The following ABCB10 variants were observed in gnomAD, a reference collection of about 807,000 sequenced individuals.
The protein encoded by ABCB10 is ATP binding cassette subfamily B member 10, also known as ATP-binding cassette sub-family B member 10, mitochondrial.
In ABCB10, 54 loss-of-function variants were observed where a neutral mutation model predicts 65.4. That is an observed-to-expected ratio of 0.83 (90% confidence interval 0.66 to 1.04). The LOEUF is 1.04. Among genes scored for constraint, ABCB10 ranks in the 50% least tolerant of loss-of-function variants. The pLI, the probability that ABCB10 is intolerant of heterozygous loss-of-function variation, is 0.00. For synonymous variants in ABCB10, 418 were observed against 406.5 expected, an observed-to-expected ratio of 1.03 and a Z score of -0.34; for missense variants, 846 against 976.6, an observed-to-expected ratio of 0.87 and a Z score of 1.78.
chr1:229,540,638 C>T lies in ABCB10; in HGVS notation c.1171G>A (p.Glu391Lys). The T allele has an allele frequency of 6.2e-7, 1 of 1,612,152 alleles. No homozygotes were observed. The highest frequency in any genetic ancestry group is 8.5e-7 in the Non-Finnish European group (1 of 1,179,966). The change falls in exon 5 of 13, where the codon GAG becomes AAG. Residue 391 changes from glutamate to lysine, a missense_variant. By Grantham distance (56) the Glu-to-Lys change is moderately conservative. Around this residue, in one of 2 missense-constraint regions of ABCB10, gnomAD observed 632 missense variants for 803.2 expected, o/e 0.79. Transcript: ENST00000344517. Reference sequence around the variant, plus strand: ...AAGAAACCAGCCCGGGCGAATGCCTCTTTCCTTGCTAACTGCATTACATGG... The same window carrying T: ...AAGAAACCAGCCCGGGCGAATGCCTTTTTCCTTGCTAACTGCATTACATGG... ...VDHVMQLARK[E>K]AFARAGFFGA... is the part of the protein sequence containing the mutation.
At chr1:229,545,408 G>A (rs1004556662) in intron 3 of ABCB10, among the ~76,000 whole-genome samples, 1 of 152,198 alleles carries the variant, frequency 6.6e-6, no homozygotes, top group Non-Finnish European at 1.5e-5. Context: ...CCACTTGTGA[G>A]AAAGGATTAT....
At chr1:229,553,221 CCG>C (rs1483260340) in intron 1 of ABCB10, among the ~76,000 whole-genome samples, 1 of 152,134 alleles carries the variant, frequency 6.6e-6, no homozygotes, top group African/African-American at 2.4e-5. Context: ...AGCGATTCTC[CCG>C]CCTCAGCCTC....
In ABCB10 at chr1:229,539,324, G is replaced by C. The variant is rs115271357; in HGVS notation, c.1339+132C>G. 553 of 1,343,162 alleles carry C rather than the reference G, an allele frequency of 4.1e-4. 4 individuals are homozygous for C. In the African/African-American group the frequency reaches 6.7e-3, roughly 16 times the overall value. The allele number at this position is 1,343,162 out of a possible 1,614,324, so 83.2% of individuals were successfully genotyped here. A position where few individuals can be genotyped will look rare whatever the true frequency, so the allele number is the denominator to read the frequency against. On this transcript the variant is annotated intron_variant, in intron 6 of 12. Transcript: ENST00000344517. The stretch of plus-strand genomic sequence containing the variant: ...ATTTTACTTCTTTAAAAGCCCAGTT[G>C]GAATAATAACATTCTAGGAAATGCT...
chr1:229,540,530 T>G, intron 5 of ABCB10, 76 bp downstream of exon 5: 1 of 1,383,800 alleles, frequency 7.2e-7, no homozygotes, highest in South Asian at 1.6e-5. Context: ...TTTCTACTTA[T>G]GCTGAGCACC....
rs66964870 is a variant in ABCB10, at chr1:229,521,068, CT to C, written c.1950+523del. The stretch of plus-strand genomic sequence containing the variant: ...TGTAAATTCTGCTTCAGTAAAGCTG[CT>C]TTTTTTTTTTAATCACCTATAAGCC... On this transcript the variant is annotated intron_variant, in intron 11 of 12. Transcript: ENST00000344517. Among the ~76,000 whole-genome samples the C allele has an allele frequency of 8.0e-3, 1,158 of 144,796 alleles. 11 individuals carry two copies. Among genetic ancestry groups the C allele is most frequent in the African/African-American group, 0.026 (1,020 of 39,764 alleles). 95.0% of individuals were successfully genotyped at this position (144,796 alleles called of 152,430 possible). A position where few individuals can be genotyped will look rare whatever the true frequency, so the allele number is the denominator to read the frequency against.
chr1:229,544,652 G>A (rs1465204102), intron 3 of ABCB10, among the ~76,000 whole-genome samples: 2 of 152,168 alleles, frequency 1.3e-5, no homozygotes, highest in Admixed American at 1.3e-4. Context: ...CCCTTTTACA[G>A]ACTGAATGGA....
At chr1:229,542,460 G>C in intron 3 of ABCB10, 89 bp from the exon 4 acceptor site, 1 of 1,439,610 alleles carries the variant, frequency 6.9e-7, no homozygotes. Context: ...TGTGTGTGTG[G>C]GTGTGTCTGT....
intron 8 of ABCB10, among the ~76,000 whole-genome samples, chr1:229,528,379 G>C (rs1387200918): frequency 1.3e-5 from 2 of 151,394 alleles, no homozygotes; most frequent in African/African-American, 2.4e-5. Context: ...TGCCCAAGCA[G>C]GTCTCAAACT....
At chr1:229,525,509 T>TA (rs1489954781) in intron 10 of ABCB10, among the ~76,000 whole-genome samples, 2 of 152,146 alleles carry the variant, frequency 1.3e-5, no homozygotes, top group African/African-American at 4.8e-5. Flanking sequence ...TCAAAAACTC[T>TA]AAAGATGAAA....
chr1:229,545,829 C>T (rs1376874167), intron 3 of ABCB10, among the ~76,000 whole-genome samples: 1 of 152,178 alleles, frequency 6.6e-6, no homozygotes, highest in Non-Finnish European at 1.5e-5. Flanking sequence ...CAAGAACAAC[C>T]TTTCTTCCTC....
rs28711461 is a variant in ABCB10 at position 229,519,927 on chromosome 1, A to G, written c.1951-1052T>C. On this transcript the variant is annotated intron_variant, in intron 11 of 12. Transcript: ENST00000344517. ...GACTGCTTGAGCCCAGGAGTTCAAG[A>G]CCAGCCTGGGCAAAATAGCAAGACC... Among the ~76,000 whole-genome samples, 765 of 152,226 alleles carry G rather than the reference A, an allele frequency of 5.0e-3. 8 individuals are homozygous for G. Among genetic ancestry groups the G allele is most frequent in the African/African-American group, 0.017 (716 of 41,540 alleles).
chr1:229,527,183 T>C, intron 9 of ABCB10, 46 bp downstream of exon 9: 1 of 1,502,282 alleles, frequency 6.7e-7, no homozygotes, highest in Non-Finnish European at 9.0e-7. Context: ...AAGACAAAAG[T>C]AATTTTAAAA....
chr1:229,520,150 T>C (rs531328473), intron 11 of ABCB10, among the ~76,000 whole-genome samples: 1 of 148,970 alleles, frequency 6.7e-6, no homozygotes, highest in African/African-American at 2.5e-5. Context: ...AAAATAAAAT[T>C]AAATTAAAAT....
chr1:229,554,262 T>C (rs1287974744), intron 1 of ABCB10, among the ~76,000 whole-genome samples: 2 of 151,920 alleles, frequency 1.3e-5, no homozygotes, highest in African/African-American at 4.8e-5. Context: ...GGCTGACAGA[T>C]GAGAAGGGAG....
rs767505812 is a variant in ABCB10 at position 229,518,870 on chromosome 1, G to C, written c.1956C>G (p.Pro652=). Residue 652 remains proline, a synonymous_variant, in exon 12 of 13, where the codon CCC becomes CCG. Coordinates refer to ENST00000344517, the MANE Select transcript of ABCB10 (RefSeq NM_012089.3). ...IAIARALLKN[P]KILLLDEATS... ...TTGCTTCATCTAGGAGAAGAATTTTGGGATTCTGAAGAAGGAAAAAAAAGG... is the reference window on the plus strand; with the variant it reads ...TTGCTTCATCTAGGAGAAGAATTTTCGGATTCTGAAGAAGGAAAAAAAAGG... The C allele has an allele frequency of 5.0e-6, 8 of 1,597,528 alleles. No homozygotes were observed. The East Asian group carries it at 1.8e-4, about 36-fold the overall frequency.
intron 3 of ABCB10, among the ~76,000 whole-genome samples, chr1:229,546,428 G>A (rs537248387): frequency 6.6e-6 from 1 of 152,240 alleles, no homozygotes; most frequent in Admixed American, 6.5e-5. Context: ...TTTTGACTGT[G>A]TGGGCTTCAG....
intron 3 of ABCB10, 50 bp downstream of exon 3, chr1:229,547,449 G>A (rs1662996103): frequency 1.2e-6 from 2 of 1,600,778 alleles, no homozygotes; most frequent in African/African-American, 1.3e-5. Context: ...GAGGCCTGGT[G>A]CAAGCCAAGC....
intron 8 of ABCB10, 43 bp from the exon 9 acceptor site, chr1:229,527,351 G>C: frequency 1.3e-6 from 2 of 1,546,064 alleles, no homozygotes; most frequent in Non-Finnish European, 1.8e-6. Flanking sequence ...TGAGTGTGAT[G>C]AGGCTGATGA....
At position 229,530,503 on chromosome 1, in the gene ABCB10, A is replaced by G. The variant is rs6673204; in HGVS notation, c.1436-95T>C. On this transcript the variant is annotated intron_variant, in intron 7 of 12. Coordinates refer to ENST00000344517, the MANE Select transcript of ABCB10 (RefSeq NM_012089.3). ...CTACTCATCTGGCTATGGATGGGTG[A>G]CTCCACCACAGCTAATCCTGGTATA... 3.8e-4 allele frequency: 482 copies of G among 1,266,180 alleles called. 1 individual carries two copies. In the African/African-American group the frequency reaches 5.5e-3, roughly 14 times the overall value. The allele number at this position is 1,266,180 out of a possible 1,614,324, so 78.4% of individuals were successfully genotyped here. A position where few individuals can be genotyped will look rare whatever the true frequency, so the allele number is the denominator to read the frequency against.
Sources: allele counts gnomAD v4.1 joint callset (sites outside exome capture counted in the v4.1 genomes callset), GRCh38; gene constraint gnomAD v4.1.1; regional missense constraint gnomAD v4.1.1; transcripts MANE v1.5; gene names NCBI Gene and HGNC (gene_info 2026-07-23, HGNC 2026-07-21).